SDK1: variants seen among roughly 807,000 people sequenced by gnomAD.
SDK1 encodes the protein protein sidekick-1.
A neutral mutation model predicts 245.5 loss-of-function variants in SDK1; 157 were observed. That is an observed-to-expected ratio of 0.64 (90% CI 0.56 to 0.73). SDK1 has a LOEUF of 0.73. Among genes scored for constraint, SDK1 ranks in the 30% least tolerant of loss-of-function variants. The pLI, the probability that SDK1 is intolerant of heterozygous loss-of-function variation, is 0.00. For missense variants in SDK1, 3,583 were observed against 3,002.3 expected (o/e 1.19, Z -4.52); for synonymous variants, 1,647 against 1,278.5 (o/e 1.29, Z -6.15).
intron 5 of SDK1, among the ~76,000 whole-genome samples, chr7:3,902,197 T>C (rs1442698605): frequency 6.6e-6 from 1 of 152,228 alleles, no homozygotes; most frequent in Non-Finnish European, 1.5e-5. Flanking sequence ...AATGTGCGCG[T>C]GTGCATGTGT....
chr7:3,645,412 C>G (rs907178626), intron 4 of SDK1, among the ~76,000 whole-genome samples: 1 of 152,170 alleles, frequency 6.6e-6, no homozygotes, highest in Non-Finnish European at 1.5e-5. Flanking sequence ...CACCCCAAGT[C>G]TATTAAGTAC....
At chr7:4,112,649 C>T (rs1783421522) in intron 23 of SDK1, among the ~76,000 whole-genome samples, 1 of 152,184 alleles carries the variant, frequency 6.6e-6, no homozygotes. Flanking sequence ...GACACCCAAT[C>T]CATCCAACTA....
At chr7:4,036,822 G>C (rs896715777) in intron 17 of SDK1, among the ~76,000 whole-genome samples, 1 of 152,130 alleles carries the variant, frequency 6.6e-6, no homozygotes, top group African/African-American at 2.4e-5. Context: ...CTCAGTCTTG[G>C]CCATCCCAGC....
intron 25 of SDK1, among the ~76,000 whole-genome samples, chr7:4,124,004 G>T (rs1338819582): frequency 6.6e-6 from 1 of 152,222 alleles, no homozygotes; most frequent in Admixed American, 6.5e-5. Context: ...GGTGAGGGTT[G>T]CGGTGAGGCC....
At chr7:3,826,555 C>T (rs1040475049) in intron 5 of SDK1, among the ~76,000 whole-genome samples, 13 of 152,116 alleles carry the variant, frequency 8.5e-5, no homozygotes, top group Non-Finnish European at 1.8e-4. Flanking sequence ...CCAGAAATGC[C>T]GTCGTCTTCA....
Position 3,972,064 on chromosome 7 carries a change from A to G in SDK1, c.1817+496A>G, listed in dbSNP as rs564376975. 1.4e-3 allele frequency among the ~76,000 whole-genome samples: 202 copies of G among 146,750 alleles called. 1 individual carries two copies. Among genetic ancestry groups the G allele is most frequent in the Middle Eastern group, 0.01 (3 of 290 alleles). On this transcript the variant is annotated intron_variant, in intron 12 of 44. Coordinates refer to ENST00000404826, the MANE Select transcript of SDK1 (RefSeq NM_152744.4). Reference sequence around the variant, plus strand: ...GAAGGTGCATGCCAAGAGGGAGGCCAGATGTGAGGGTTCTCTTTTTTTTTT... The same window carrying G: ...GAAGGTGCATGCCAAGAGGGAGGCCGGATGTGAGGGTTCTCTTTTTTTTTT...
At chr7:3,497,330 A>G (rs1267404715) in intron 1 of SDK1, among the ~76,000 whole-genome samples, 2 of 152,192 alleles carry the variant, frequency 1.3e-5, no homozygotes, top group African/African-American at 4.8e-5. Flanking sequence ...GTGTGTATAA[A>G]TGTAGTATTT....
chr7:3,456,529 T>C (rs913107607), intron 1 of SDK1, among the ~76,000 whole-genome samples: 23 of 152,260 alleles, frequency 1.5e-4, no homozygotes, highest in African/African-American at 5.3e-4. Flanking sequence ...CTTTCAGTTA[T>C]TGTATTTTTC....
chr7:3,325,136 A>G lies in SDK1; in HGVS notation c.298+23252A>G, dbSNP rs1779911948. ...CACTTTTTTTTTTTGGTGATGCTTC[A>G]GTCTCACAGGTGATGCTTAAAACAC... On this transcript the variant is annotated intron_variant, in intron 1 of 44. Coordinates refer to ENST00000404826, the MANE Select transcript of SDK1 (RefSeq NM_152744.4). Among the ~76,000 whole-genome samples the G allele has an allele frequency of 3.3e-5, 5 of 152,030 alleles. No individual in the cohort carries two copies. The South Asian group carries it at 1.0e-3, about 32-fold the overall frequency.
rs565973995 is a variant in SDK1, at chr7:3,903,389, G to A, written c.848-47534G>A. Among the ~76,000 whole-genome samples, 36 of 152,068 alleles carry A rather than the reference G, an allele frequency of 2.4e-4. 1 individual carries two copies. Among genetic ancestry groups the A allele is most frequent in the South Asian group, 2.3e-3 (11 of 4,808 alleles). The stretch of plus-strand genomic sequence containing the variant: ...CGATCATCTGCTGACCTTGTGATCC[G>A]CCCACCTCGGCCTCCCAAAGTGCTT... On this transcript the variant is annotated intron_variant, in intron 5 of 44. Transcript: ENST00000404826.
intron 35 of SDK1, among the ~76,000 whole-genome samples, chr7:4,201,256 AGGCC>A (rs1327448676): frequency 6.6e-6 from 1 of 152,186 alleles, no homozygotes; most frequent in African/African-American, 2.4e-5. Flanking sequence ...TTCATTGAGA[AGGCC>A]TCCCGAGCTG....
chr7:4,191,507 G>A (rs1026007092), intron 35 of SDK1, among the ~76,000 whole-genome samples: 6 of 152,240 alleles, frequency 3.9e-5, no homozygotes, highest in Non-Finnish European at 5.9e-5. Context: ...CCTCCAGGTC[G>A]CCACGCTGGC....
At chr7:4,194,444 GTATACATGTATATA>G (rs1337483084) in intron 35 of SDK1, among the ~76,000 whole-genome samples, 11,798 of 124,662 alleles carry the variant, frequency 0.095, 1,410 homozygotes, top group Middle Eastern at 0.23. Context: ...ATACATATAT[GTATACATGTATATA>G]TGTGTGTGTG....
At chr7:4,009,234 C>G (rs1316903836) in intron 14 of SDK1, among the ~76,000 whole-genome samples, 1 of 152,322 alleles carries the variant, frequency 6.6e-6, no homozygotes, top group East Asian at 1.9e-4. Context: ...CTTCTTTCTT[C>G]TACATACCAG....
At chr7:4,189,512 C>G (rs1014819320) in intron 35 of SDK1, among the ~76,000 whole-genome samples, 8 of 152,170 alleles carry the variant, frequency 5.3e-5, no homozygotes, top group Non-Finnish European at 1.0e-4. Context: ...CCGCAACTTT[C>G]ACCAAAAACA....
At position 3,493,430 on chromosome 7, in the gene SDK1, T is replaced by C. The variant is rs140987775; in HGVS notation, c.299-125650T>C. Among the ~76,000 whole-genome samples, 363 of 152,324 alleles carry C rather than the reference T, an allele frequency of 2.4e-3. 4 individuals are homozygous for C. Among genetic ancestry groups the C allele is most frequent in the African/African-American group, 8.5e-3 (354 of 41,560 alleles). ...TTTTAATGGATGCTTATAGTTTTGT[T>C]CTCAAAGAAAATTAAAAATATTACT... is the stretch of plus-strand genomic sequence containing the variant. On this transcript the variant is annotated intron_variant, in intron 1 of 44. Coordinates refer to ENST00000404826, the MANE Select transcript of SDK1 (RefSeq NM_152744.4).
At chr7:3,844,678 G>C (rs570178073) in intron 5 of SDK1, among the ~76,000 whole-genome samples, 1 of 152,260 alleles carries the variant, frequency 6.6e-6, no homozygotes, top group African/African-American at 2.4e-5. Flanking sequence ...CATTTAAAAA[G>C]TGCCACTTAA....
chr7:4,044,771 A>G (rs563597658), intron 17 of SDK1, among the ~76,000 whole-genome samples: 2 of 152,256 alleles, frequency 1.3e-5, no homozygotes, highest in East Asian at 3.9e-4. Context: ...AGTGAGATTT[A>G]TTGTGGTTTC....
At chr7:3,628,591 A>G (rs1782190112) in intron 2 of SDK1, among the ~76,000 whole-genome samples, 4 of 152,152 alleles carry the variant, frequency 2.6e-5, no homozygotes, top group South Asian at 2.1e-4. Context: ...ATATGCTGGG[A>G]TACGTGGCTT....
Sources: gnomAD v4.1 joint callset for allele counts (sites outside exome capture counted in the v4.1 genomes callset) on GRCh38, gnomAD v4.1.1 for gene constraint, MANE v1.5 for transcripts, NCBI Gene and HGNC (gene_info 2026-07-23, HGNC 2026-07-21) for gene names.